FOXN3: variants seen among roughly 807,000 people sequenced by gnomAD.
FOXN3 encodes forkhead box N3.
In FOXN3, 7 loss-of-function variants were observed where a neutral mutation model predicts 38.4. The observed-to-expected ratio is 0.18, with a 90% CI of 0.10 to 0.34. The LOEUF (loss-of-function observed/expected upper bound fraction) is 0.34. FOXN3 is among the 10% of genes least tolerant of loss of function. The pLI, the probability that FOXN3 is intolerant of heterozygous loss-of-function variation, is 1.00. For synonymous variants in FOXN3, 230 were observed against 242.2 expected, an observed-to-expected ratio of 0.95 and a Z score of 0.47; for missense variants, 456 against 613.4, an observed-to-expected ratio of 0.74 and a Z score of 2.71.
At chr14:89,603,515 T>A (rs939638689) in intron 1 of FOXN3, among the ~76,000 whole-genome samples, 1 of 152,180 alleles carries the variant, frequency 6.6e-6, no homozygotes. Flanking sequence ...GCACATATGA[T>A]CTGTACCGTA....
intron 1 of FOXN3, among the ~76,000 whole-genome samples, chr14:89,414,847 GGCCAA>G (rs1891652004): frequency 6.6e-6 from 1 of 152,128 alleles, no homozygotes; most frequent in East Asian, 1.9e-4. Context: ...CACCGCGCCT[GGCCAA>G]GATGCCCAAC....
At chr14:89,405,646 T>C (rs1891368293) in intron 2 of FOXN3, among the ~76,000 whole-genome samples, 1 of 152,178 alleles carries the variant, frequency 6.6e-6, no homozygotes. Flanking sequence ...GACAGTTGTG[T>C]GCTCTGTGCA....
chr14:89,312,525 A>G (rs1887589621), intron 3 of FOXN3, among the ~76,000 whole-genome samples: 1 of 152,190 alleles, frequency 6.6e-6, no homozygotes, highest in Non-Finnish European at 1.5e-5. Flanking sequence ...AGTTGATATA[A>G]CTTGGAGAAG....
At chr14:89,325,301 A>ACACCACCAC (rs1369611682) in intron 3 of FOXN3, among the ~76,000 whole-genome samples, 1 of 80,254 alleles carries the variant, frequency 1.2e-5, no homozygotes, top group Admixed American at 1.2e-4. Context: ...ACCAACACCA[A>ACACCACCAC]CACCACCACC....
chr14:89,390,325 AAATATT>A (rs1166512618), intron 2 of FOXN3, among the ~76,000 whole-genome samples: 12 of 147,300 alleles, frequency 8.1e-5, no homozygotes, highest in African/African-American at 2.9e-4. Context: ...ATATATATAT[AAATATT>A]ATCTATATAA....
intron 3 of FOXN3, chr14:89,291,714 C>T (rs1596159290): frequency 1.1e-5 from 4 of 375,982 alleles, no homozygotes; most frequent in Non-Finnish European, 2.1e-5. Context: ...CATCACATTC[C>T]CCAAAGCCTG....
At chr14:89,551,478 A>G (rs148472666) in intron 1 of FOXN3, among the ~76,000 whole-genome samples, 351 of 152,122 alleles carry the variant, frequency 2.3e-3, no homozygotes, top group African/African-American at 8.0e-3. Context: ...ACTACAACCC[A>G]TCTCACAGCC....
intron 4 of FOXN3, among the ~76,000 whole-genome samples, chr14:89,193,951 G>A (rs1888031084): frequency 1.3e-5 from 2 of 152,054 alleles, no homozygotes; most frequent in African/African-American, 4.8e-5. Flanking sequence ...AAATAACCTT[G>A]AGCATCTTTT....
At chr14:89,463,479 T>C (rs1236585202) in intron 1 of FOXN3, among the ~76,000 whole-genome samples, 1 of 152,174 alleles carries the variant, frequency 6.6e-6, no homozygotes, top group Non-Finnish European at 1.5e-5. Context: ...TTCACAAGAC[T>C]GCATGCAGGT....
At chr14:89,322,882 C>T (rs978956668) in intron 3 of FOXN3, among the ~76,000 whole-genome samples, 2 of 152,144 alleles carry the variant, frequency 1.3e-5, no homozygotes, top group African/African-American at 2.4e-5. Context: ...CCTAAGGATA[C>T]AGCAGAGAGC....
intron 1 of FOXN3, among the ~76,000 whole-genome samples, chr14:89,462,536 A>G (rs1039932879): frequency 6.6e-6 from 1 of 152,146 alleles, no homozygotes; most frequent in African/African-American, 2.4e-5. Context: ...TAGACACTGG[A>G]AAGTCCAAGG....
intron 3 of FOXN3, among the ~76,000 whole-genome samples, chr14:89,335,425 T>C (rs972695350): frequency 6.6e-6 from 1 of 152,246 alleles, no homozygotes. Flanking sequence ...AGTGGTCTAT[T>C]GAACTTGGCA....
intron 3 of FOXN3, among the ~76,000 whole-genome samples, chr14:89,282,872 T>A (rs548141044): frequency 6.6e-6 from 1 of 152,192 alleles, no homozygotes; most frequent in Non-Finnish European, 1.5e-5. Context: ...TAAGGAAAAT[T>A]CTCTGTATGA....
intron 1 of FOXN3, among the ~76,000 whole-genome samples, chr14:89,415,191 T>C (rs976348978): frequency 4.6e-5 from 7 of 152,202 alleles, no homozygotes; most frequent in African/African-American, 1.7e-4. Context: ...AAGTCAACTT[T>C]AGCTCTAAAT....
chr14:89,353,473 T>C (rs538920141), intron 2 of FOXN3: 1 of 152,270 alleles, frequency 6.6e-6, no homozygotes, highest in Non-Finnish European at 1.5e-5. Context: ...AATGCAGTGG[T>C]GGTCCTGGCT....
In FOXN3 at chr14:89,446,799, C is replaced by T. The variant is rs529280192; in HGVS notation, c.-14-34309G>A. Among the ~76,000 whole-genome samples the T allele has an allele frequency of 2.2e-3, 339 of 152,332 alleles. 2 individuals carry two copies. The highest frequency in any genetic ancestry group is 7.9e-3 in the African/African-American group (329 of 41,576). ...TGACCCATGGTTTGGCCACTTGCCA[C>T]TTTTTGGATATTTAAGTTATTTGCA... On this transcript the variant is annotated intron_variant, in intron 1 of 6. Transcript: ENST00000345097.
At chr14:89,526,618 G>A (rs79850475) in intron 1 of FOXN3, among the ~76,000 whole-genome samples, 2,418 of 152,216 alleles carry the variant, frequency 0.016, 60 homozygotes, top group African/African-American at 0.055. Flanking sequence ...TAAATAAGCG[G>A]AGCAATATAC....
At chr14:89,443,204 C>T (rs1892422891) in intron 1 of FOXN3, among the ~76,000 whole-genome samples, 1 of 152,204 alleles carries the variant, frequency 6.6e-6, no homozygotes, top group African/African-American at 2.4e-5. Context: ...GCTAATACCA[C>T]AGAATATGCA....
At chr14:89,363,988 A>ATATATATATATATATAATAT (rs1420813459) in intron 2 of FOXN3, among the ~76,000 whole-genome samples, 2 of 52,064 alleles carry the variant, frequency 3.8e-5, no homozygotes, top group African/African-American at 1.8e-4. Flanking sequence ...ATATATATAT[A>ATATATATATATATATAATAT]ATATATATAT....
Sources: allele counts gnomAD v4.1 joint callset (sites outside exome capture counted in the v4.1 genomes callset), GRCh38; gene constraint gnomAD v4.1.1; transcripts MANE v1.5; gene names NCBI Gene and HGNC (gene_info 2026-07-23, HGNC 2026-07-21).